The following MYO7A variants were observed in gnomAD, a reference collection of about 807,000 sequenced individuals.
The protein encoded by MYO7A is unconventional myosin-VIIa.
A neutral mutation model predicts 263.8 loss-of-function variants in MYO7A; 210 were observed. That is an observed-to-expected ratio of 0.80 (90% CI 0.71 to 0.89). The LOEUF (loss-of-function observed/expected upper bound fraction) is 0.89. Among genes scored for constraint, MYO7A ranks in the 40% least tolerant of loss-of-function variants. The probability of loss-of-function intolerance (pLI) is 0.00; values close to 1 mark genes in which losing one functional copy is unlikely to be tolerated. For synonymous variants in MYO7A, 1,239 were observed against 1,197.3 expected, an observed-to-expected ratio of 1.03 and a Z score of -0.72; for missense variants, 2,820 against 2,968.3, an observed-to-expected ratio of 0.95 and a Z score of 1.16.
chr11:77,205,272 T>C lies in MYO7A; in HGVS notation c.5481-190T>C, dbSNP rs542100046. Among the ~76,000 whole-genome samples, 245 of 152,214 alleles carry C rather than the reference T, an allele frequency of 1.6e-3. 5 individuals carry two copies. The highest frequency in any genetic ancestry group is 5.8e-3 in the African/African-American group (242 of 41,534). On this transcript the variant is annotated intron_variant, in intron 39 of 48. Coordinates refer to ENST00000409709, the MANE Select transcript of MYO7A (RefSeq NM_000260.4). Reference sequence around the variant, plus strand: ...CCAGGCACACTTTGGGTAGCACTAGTTGCATCTGGCTGTCAGGGAGAGGGG... The same window carrying C: ...CCAGGCACACTTTGGGTAGCACTAGCTGCATCTGGCTGTCAGGGAGAGGGG...
chr11:77,180,494 C>T lies in MYO7A; in HGVS notation c.2694+13C>T. The stretch of plus-strand genomic sequence containing the variant: ...GCGCAAGCATCAGGTGAGCTGAGAG[C>T]CTCCAGGCACCTTAGGTGTCCACTT... On this transcript the variant is annotated intron_variant, in intron 22 of 48. Coordinates refer to ENST00000409709, the MANE Select transcript of MYO7A (RefSeq NM_000260.4). 6.2e-7 allele frequency: 1 copy of T among 1,606,566 alleles called. No homozygotes were observed. Among genetic ancestry groups the T allele is most frequent in the Non-Finnish European group, 8.5e-7 (1 of 1,175,768 alleles).
chr11:77,181,977 G>A lies in MYO7A; in HGVS notation c.2931G>A (p.Met977Ile), dbSNP rs1955264122. ...ACCTGGAGCGAGGGCGGAGGGAGAT[G>A]GTGGAGGAGGACCTGGATGCAGCCC... ...FEDLERGRREMVEEDLDAALP... is the reference protein window; with the variant it reads ...FEDLERGRREIVEEDLDAALP... The change falls in exon 24 of 49, where the codon ATG becomes ATA. Residue 977 changes from methionine (M) to isoleucine (I), a missense_variant. Met to Ile is a conservative substitution (Grantham distance 10). Coordinates refer to ENST00000409709, the MANE Select transcript of MYO7A (RefSeq NM_000260.4). The A allele has an allele frequency of 6.2e-7, 1 of 1,613,042 alleles. No homozygotes were observed. Among genetic ancestry groups the A allele is most frequent in the Non-Finnish European group, 8.5e-7 (1 of 1,179,736 alleles).
chr11:77,198,089 C>T (rs1207466149), intron 33 of MYO7A, among the ~76,000 whole-genome samples: 1 of 152,234 alleles, frequency 6.6e-6, no homozygotes, highest in South Asian at 2.1e-4. Context: ...CCACACAGGC[C>T]ACTGGCTCAG....
chr11:77,215,039 G>C lies in MYO7A; in HGVS notation c.*343G>C. ...CCTTTGACTTTCTGTGTACCACTGGGATAGAGGAATCAAGAGGACAATCTA... is the reference window on the plus strand; with the variant it reads ...CCTTTGACTTTCTGTGTACCACTGGCATAGAGGAATCAAGAGGACAATCTA... On this transcript the variant is annotated 3_prime_UTR_variant, in exon 49 of 49. Transcript: ENST00000409709. 2 of 279,572 alleles carry C rather than the reference G, an allele frequency of 7.2e-6. No homozygotes were observed. Among genetic ancestry groups the C allele is most frequent in the East Asian group, 1.5e-4 (2 of 13,204 alleles). The allele number at this position is 279,572 out of a possible 1,614,324, so 17.3% of individuals were successfully genotyped here.
rs1955017383 is a variant in MYO7A, at chr11:77,179,822, C to T, written c.2455C>T (p.Gln819Ter). ...QYRLARQRII[Q>*]FQARCRAYLV... ...CCGCCTGGCCCGCCAGCGCATCATC[C>T]AGTTCCAGGCCCGCTGCCGCGCCTA... Residue 819 changes from glutamine to a stop codon, truncating the protein, a stop_gained, in exon 21 of 49, where the codon CAG becomes TAG. Transcript: ENST00000409709. LOFTEE classifies it high-confidence loss of function. The T allele has an allele frequency of 6.5e-7, 1 of 1,546,174 alleles. No homozygotes were observed. The highest frequency in any genetic ancestry group is 1.9e-5 in the Admixed American group (1 of 51,378).
chr11:77,197,529 G>A lies in MYO7A; in HGVS notation c.4372G>A (p.Val1458Met). 6.2e-7 allele frequency: 1 copy of A among 1,608,664 alleles called. No individual in the cohort carries two copies. Among genetic ancestry groups the A allele is most frequent in the Non-Finnish European group, 8.5e-7 (1 of 1,177,498 alleles). The change falls in exon 33 of 49, where the codon GTG becomes ATG. Residue 1458 changes from valine (V) to methionine (M), a missense_variant. Val to Met is a conservative substitution (Grantham distance 21). Coordinates refer to ENST00000409709, the MANE Select transcript of MYO7A (RefSeq NM_000260.4). ...RTDAQKVKED[V>M]VSYARFKWPL... ...TGATGCCCAGAAGGTCAAAGAGGAT[G>A]TGGTCAGTTATGCCCGCTTCAAGTG...
intron 16 of MYO7A, among the ~76,000 whole-genome samples, chr11:77,173,738 G>A (rs781848339): frequency 1.8e-4 from 28 of 152,094 alleles, no homozygotes; most frequent in Non-Finnish European, 3.5e-4. Flanking sequence ...GAAGCTGACA[G>A]GCTGCAAGAC....
chr11:77,199,496 TG>T, intron 34 of MYO7A, 38 bp from the exon 35 acceptor site: 1 of 1,439,172 alleles, frequency 6.9e-7, no homozygotes, highest in South Asian at 1.5e-5. Context: ...TCCCACTGGT[TG>T]GGGCATGACT....
At chr11:77,213,177 A>G in intron 47 of MYO7A, 142 bp downstream of exon 47, 1 of 690,140 alleles carries the variant, frequency 1.4e-6, no homozygotes, top group Non-Finnish European at 2.5e-6. Context: ...AAAAGCTGTC[A>G]GCGTTTGCTA....
intron 32 of MYO7A, among the ~76,000 whole-genome samples, chr11:77,194,893 C>T (rs113658749): frequency 0.012 from 1,851 of 152,216 alleles, 28 homozygotes; most frequent in African/African-American, 0.043. Context: ...CCCAACTTCC[C>T]GCCTGGGGAG....
chr11:77,197,327 G>A (rs1956737130), intron 32 of MYO7A, among the ~76,000 whole-genome samples, 154 bp from the exon 33 acceptor site: 1 of 152,250 alleles, frequency 6.6e-6, no homozygotes. Flanking sequence ...TGGGGACAGG[G>A]TGGCTGCAGA....
intron 44 of MYO7A, 121 bp downstream of exon 44, chr11:77,208,924 G>C: frequency 1.3e-6 from 1 of 781,152 alleles, no homozygotes; most frequent in Non-Finnish European, 2.1e-6. Flanking sequence ...GGCCTCAAAG[G>C]GATTCCTGCC....
chr11:77,132,109 C>T (rs1555046203), intron 2 of MYO7A, among the ~76,000 whole-genome samples: 4 of 152,044 alleles, frequency 2.6e-5, no homozygotes, highest in Non-Finnish European at 4.4e-5. Context: ...CTTCCTGCCA[C>T]ATCCTTCCCG....
In MYO7A at chr11:77,192,209, C is replaced by A; in HGVS notation, c.4083C>A (p.Asn1361Lys). The change falls in exon 31 of 49, where the codon AAC becomes AAA. Residue 1361 changes from asparagine to lysine, a missense_variant. Coordinates refer to ENST00000409709, the MANE Select transcript of MYO7A (RefSeq NM_000260.4). ...FTPWHSPSED[N>K]VATNLIYQQV... ...CCTGGCACAGCCCCTCCGAGGACAA[C>A]GTGGCCACCAACCTCATCTACCAGC... is the stretch of plus-strand genomic sequence containing the variant. 2 of 1,614,064 alleles carry A rather than the reference C, an allele frequency of 1.2e-6. No individual in the cohort carries two copies. The highest frequency in any genetic ancestry group is 2.2e-5 in the South Asian group (2 of 91,092).
At position 77,162,199 on chromosome 11, in the gene MYO7A, G is replaced by T. The variant is rs1953066164; in HGVS notation, c.1423G>T (p.Glu475Ter). ...FVRHVFKLEQ[E>*]EYDLESIDWL... is the part of the protein sequence containing the mutation. ...GCGGCACGTGTTCAAGCTGGAGCAG[G>T]AGGAATATGACCTGGAGAGCATTGA... is the stretch of plus-strand genomic sequence containing the variant. Residue 475 changes from glutamate to a stop codon, truncating the protein, a stop_gained, in exon 13 of 49, where the codon GAG (glutamate) becomes TAG (stop). Transcript: ENST00000409709. LOFTEE classifies it high-confidence loss of function. 6.3e-7 allele frequency: 1 copy of T among 1,594,484 alleles called. No homozygotes were observed. The highest frequency in any genetic ancestry group is 2.3e-5 in the East Asian group (1 of 44,210).
chr11:77,155,360 C>T (rs1555060625), intron 4 of MYO7A, among the ~76,000 whole-genome samples: 1 of 152,204 alleles, frequency 6.6e-6, no homozygotes, highest in Non-Finnish European at 1.5e-5. Flanking sequence ...TCCCTCTGTC[C>T]TGGGGCAGTG....
rs1241731187 is a variant in MYO7A at position 77,206,087 on chromosome 11, G to C, written c.5637-10G>C. On this transcript the variant is annotated splice_polypyrimidine_tract_variant and intron_variant, in intron 40 of 48. Coordinates refer to ENST00000409709, the MANE Select transcript of MYO7A (RefSeq NM_000260.4). ...GCACATGCCCCCTGCTGCCCCTGCT[G>C]CCTTTTCAGAAACGGGTCCCGGAAG... is the stretch of plus-strand genomic sequence containing the variant. 1.2e-6 allele frequency: 2 copies of C among 1,604,892 alleles called. No homozygotes were observed. The highest frequency in any genetic ancestry group is 1.7e-6 in the Non-Finnish European group (2 of 1,175,684).
rs2135785843 is a variant in MYO7A at position 77,211,323 on chromosome 11, G to A, written c.6223G>A (p.Asp2075Asn). Residue 2075 changes from aspartate (D) to asparagine (N), a missense_variant, in exon 45 of 49, where the codon GAT (aspartate) becomes AAT (asparagine). Coordinates refer to ENST00000409709, the MANE Select transcript of MYO7A (RefSeq NM_000260.4). ...PQDLIRQVSP[D>N]DWKRSIVAYF... ...GGACCTTATCCGGCAGGTCTCACCTGATGACTGGAAGCGGGTGAGCATGGG... is the reference window on the plus strand; with the variant it reads ...GGACCTTATCCGGCAGGTCTCACCTAATGACTGGAAGCGGGTGAGCATGGG... 6.3e-7 allele frequency: 1 copy of A among 1,582,072 alleles called. No homozygotes were observed. Among genetic ancestry groups the A allele is most frequent in the Non-Finnish European group, 8.6e-7 (1 of 1,164,404 alleles).
At chr11:77,213,193 T>G (rs545338574) in intron 47 of MYO7A, among the ~76,000 whole-genome samples, 158 bp downstream of exon 47, 30 of 152,304 alleles carry the variant, frequency 2.0e-4, no homozygotes, top group Non-Finnish European at 4.1e-4. Context: ...TGCTAGGACT[T>G]TACCCAACGC....
Sources: gnomAD v4.1 joint callset for allele counts (sites outside exome capture counted in the v4.1 genomes callset) on GRCh38, gnomAD v4.1.1 for gene constraint, MANE v1.5 for transcripts, NCBI Gene and HGNC (gene_info 2026-07-23, HGNC 2026-07-21) for gene names.